The following AK5 variants were observed in gnomAD, a reference collection of about 807,000 sequenced individuals.
AK5 encodes the protein adenylate kinase isoenzyme 5.
A neutral mutation model predicts 69.5 loss-of-function variants in AK5; 27 were observed. That is an observed-to-expected ratio of 0.39 (90% CI 0.29 to 0.54). The LOEUF is 0.54. Ranked by LOEUF, AK5 falls within the 20% of genes least tolerant of loss-of-function variation. The pLI is 0.71. For synonymous variants in AK5, 260 were observed against 244.4 expected (o/e 1.06, Z -0.60); for missense variants, 531 against 700.4 (o/e 0.76, Z 2.73).
rs142901984 is a variant in AK5, at chr1:77,439,024, C to T, written c.1059+21309C>T. Among the ~76,000 whole-genome samples, 597 of 152,240 alleles carry T rather than the reference C, an allele frequency of 3.9e-3. 7 individuals are homozygous for T. The highest frequency in any genetic ancestry group is 0.013 in the African/African-American group (548 of 41,530). On this transcript the variant is annotated intron_variant, in intron 8 of 13. Transcript: ENST00000354567. ...GGACCAAAAAGGCGACTCGTAGAAA[C>T]GAAGAGCACAAAGGGCTCAGGTGAT...
At chr1:77,451,002 C>T (rs1383038277) in intron 8 of AK5, among the ~76,000 whole-genome samples, 1 of 151,896 alleles carries the variant, frequency 6.6e-6, no homozygotes. Flanking sequence ...ATAGTGAGCC[C>T]TCATCTCTAA....
Position 77,340,361 on chromosome 1 carries a change from T to A in AK5, c.700-16T>A, listed in dbSNP as rs1217975438. ...GGTATGTTGAATGCCTCTCTATTTG[T>A]TGATGCTCTCCACAGATCTGTACCC... On this transcript the variant is annotated splice_polypyrimidine_tract_variant and intron_variant, in intron 5 of 13. Transcript: ENST00000354567. 3.7e-6 allele frequency: 6 copies of A among 1,605,162 alleles called. No homozygotes were observed. The highest frequency in any genetic ancestry group is 5.1e-6 in the Non-Finnish European group (6 of 1,174,050).
At chr1:77,486,401 G>T (rs774421998) in intron 10 of AK5, 49 bp downstream of exon 10, 2 of 1,434,110 alleles carry the variant, frequency 1.4e-6, no homozygotes, top group Non-Finnish European at 1.9e-6. Flanking sequence ...CTAATAATAA[G>T]AATTTGGTAG....
At chr1:77,403,206 A>C (rs1276087449) in intron 6 of AK5, among the ~76,000 whole-genome samples, 1 of 152,222 alleles carries the variant, frequency 6.6e-6, no homozygotes, top group Non-Finnish European at 1.5e-5. Flanking sequence ...GCCCTTTGTC[A>C]GATGAGTAGG....
At chr1:77,331,029 G>A in intron 5 of AK5, among the ~76,000 whole-genome samples, 1 of 151,502 alleles carries the variant, frequency 6.6e-6, no homozygotes, top group East Asian at 1.9e-4. Flanking sequence ...TTGTATATTA[G>A]CCTTATGCTA....
chr1:77,376,140 T>C (rs1214246085), intron 6 of AK5, among the ~76,000 whole-genome samples: 1 of 152,180 alleles, frequency 6.6e-6, no homozygotes, highest in Non-Finnish European at 1.5e-5. Context: ...CTCCTGGCTG[T>C]GCGTGAAAAC....
chr1:77,535,504 A>C (rs1409891368), intron 12 of AK5, among the ~76,000 whole-genome samples: 1 of 152,162 alleles, frequency 6.6e-6, no homozygotes, highest in Non-Finnish European at 1.5e-5. Context: ...GTGGTCAGGA[A>C]AGGCTTCACA....
chr1:77,376,970 A>G (rs1647292817), intron 6 of AK5, among the ~76,000 whole-genome samples: 1 of 152,158 alleles, frequency 6.6e-6, no homozygotes, highest in African/African-American at 2.4e-5. Flanking sequence ...ATTAAGTCAC[A>G]CCATTAAATA....
intron 3 of AK5, among the ~76,000 whole-genome samples, chr1:77,294,417 A>G (rs1658871283): frequency 4.6e-5 from 7 of 152,120 alleles, no homozygotes; most frequent in Admixed American, 4.6e-4. Context: ...GAAGAAAAAA[A>G]GAAAGTTTTC....
intron 12 of AK5, among the ~76,000 whole-genome samples, chr1:77,529,895 C>T (rs1658486839): frequency 6.6e-6 from 1 of 152,170 alleles, no homozygotes. Flanking sequence ...TGGCTTTTCC[C>T]TCCCAAAAGA....
chr1:77,461,769 CAAA>C (rs960152262), intron 8 of AK5, among the ~76,000 whole-genome samples: 12 of 83,890 alleles, frequency 1.4e-4, no homozygotes, highest in Admixed American at 5.2e-4. Context: ...GACTCTGTCT[CAAA>C]AAAAAAAAAA....
intron 1 of AK5, chr1:77,283,720 A>G: frequency 1.7e-6 from 1 of 605,434 alleles, no homozygotes; most frequent in South Asian, 7.5e-5. Flanking sequence ...AGGTCTTGAG[A>G]ATATGTGGGA....
chr1:77,286,180 TA>T (rs1203521833), intron 1 of AK5, among the ~76,000 whole-genome samples: 3 of 152,010 alleles, frequency 2.0e-5, no homozygotes, highest in Non-Finnish European at 4.4e-5. Flanking sequence ...ACTGTACAAA[TA>T]TGAAATTATT....
At chr1:77,295,430 A>G (rs1201325556) in intron 3 of AK5, among the ~76,000 whole-genome samples, 1 of 152,248 alleles carries the variant, frequency 6.6e-6, no homozygotes, top group Non-Finnish European at 1.5e-5. Flanking sequence ...AAAATTACAG[A>G]AAGAGAGTTT....
intron 6 of AK5, among the ~76,000 whole-genome samples, chr1:77,368,551 A>G (rs1647062595): frequency 6.6e-6 from 1 of 151,700 alleles, no homozygotes; most frequent in Admixed American, 6.6e-5. Context: ...CTGAATTCAT[A>G]TGCTAATGAT....
At chr1:77,399,289 C>T (rs1301184575) in intron 6 of AK5, among the ~76,000 whole-genome samples, 1 of 152,188 alleles carries the variant, frequency 6.6e-6, no homozygotes, top group Non-Finnish European at 1.5e-5. Context: ...GCCACCCTCC[C>T]TTCAGCTAAA....
chr1:77,424,325 A>G (rs1458611740), intron 8 of AK5, among the ~76,000 whole-genome samples: 3 of 152,006 alleles, frequency 2.0e-5, no homozygotes, highest in African/African-American at 7.2e-5. Context: ...CAGTGGCATG[A>G]TCATAGCTCA....
chr1:77,303,519 G>A (rs749492560), intron 5 of AK5, among the ~76,000 whole-genome samples: 6 of 152,192 alleles, frequency 3.9e-5, no homozygotes, highest in Non-Finnish European at 5.9e-5. Context: ...CTAGCTAATA[G>A]AAGAGAGTTG....
At position 77,297,839 on chromosome 1, in the gene AK5, A is replaced by G; in HGVS notation, c.591A>G (p.Thr197=). ...ATCCTTTCTGTTTATAAAAGGAAAC[A>G]ACAATTACAGAGATAAAACAAAAAT... ...ITTGELAPQE[T]TITEIKQKLM... Residue 197 remains threonine (T), a synonymous_variant, in exon 5 of 14, where the codon ACA becomes ACG. Coordinates refer to ENST00000354567, the MANE Select transcript of AK5 (RefSeq NM_174858.3). 1 of 1,609,886 alleles carries G rather than the reference A, an allele frequency of 6.2e-7. No homozygotes were observed. Among genetic ancestry groups the G allele is most frequent in the Non-Finnish European group, 8.5e-7 (1 of 1,178,398 alleles).
Sources: gnomAD v4.1 joint callset for allele counts (sites outside exome capture counted in the v4.1 genomes callset) on GRCh38, gnomAD v4.1.1 for gene constraint, MANE v1.5 for transcripts, NCBI Gene and HGNC (gene_info 2026-07-23, HGNC 2026-07-21) for gene names.